BICC1: variants seen among roughly 807,000 people sequenced by gnomAD.
BICC1 encodes the protein BicC family RNA binding protein 1.
Under a neutral mutation model 111.0 loss-of-function variants are expected in BICC1, and 43 were observed. That is an observed-to-expected ratio of 0.39 (90% confidence interval 0.30 to 0.50). The LOEUF is 0.50. BICC1 is among the 20% of genes least tolerant of loss of function. BICC1 has a pLI of 0.88. For synonymous variants in BICC1, 467 were observed against 434.4 expected (o/e 1.07, Z -0.93); for missense variants, 1,091 against 1,203.2 (o/e 0.91, Z 1.38).
At chr10:58,566,674 G>T (rs989219189) in intron 1 of BICC1, among the ~76,000 whole-genome samples, 1 of 151,872 alleles carries the variant, frequency 6.6e-6, no homozygotes, top group Non-Finnish European at 1.5e-5. Flanking sequence ...ATTATTTTTT[G>T]ATTTTTTTGA....
intron 1 of BICC1, among the ~76,000 whole-genome samples, chr10:58,522,979 A>G (rs1278296457): frequency 6.6e-6 from 1 of 152,210 alleles, no homozygotes; most frequent in East Asian, 1.9e-4. Context: ...TCCTCGACAT[A>G]TACACCCTCC....
At chr10:58,665,915 T>G (rs1838994697) in intron 2 of BICC1, among the ~76,000 whole-genome samples, 1 of 152,216 alleles carries the variant, frequency 6.6e-6, no homozygotes, top group Admixed American at 6.5e-5. Context: ...TGAGATATTT[T>G]CTGTTTAAAC....
At chr10:58,774,901 A>G (rs1351844606) in intron 3 of BICC1, among the ~76,000 whole-genome samples, 1 of 152,138 alleles carries the variant, frequency 6.6e-6, no homozygotes, top group South Asian at 2.1e-4. Context: ...AGTATTTTTT[A>G]AAATTATTTT....
chr10:58,698,853 C>T (rs374309971), intron 2 of BICC1, among the ~76,000 whole-genome samples: 21 of 152,170 alleles, frequency 1.4e-4, no homozygotes, highest in Non-Finnish European at 2.6e-4. Context: ...TTAAGTAATT[C>T]GCTCAACACA....
intron 1 of BICC1, among the ~76,000 whole-genome samples, chr10:58,608,610 G>A (rs1372691731): frequency 1.3e-5 from 2 of 152,104 alleles, no homozygotes; most frequent in African/African-American, 4.8e-5. Context: ...TAGTCTTGTC[G>A]TTTTTATTAC....
At chr10:58,531,850 C>CA (rs1385754414) in intron 1 of BICC1, among the ~76,000 whole-genome samples, 1 of 151,448 alleles carries the variant, frequency 6.6e-6, no homozygotes, top group Non-Finnish European at 1.5e-5. Context: ...TCAGCAAACT[C>CA]AAAGACAGGT....
intron 1 of BICC1, among the ~76,000 whole-genome samples, chr10:58,563,336 AC>A (rs1314995739): frequency 6.6e-6 from 1 of 152,022 alleles, no homozygotes; most frequent in African/African-American, 2.4e-5. Context: ...AGCTCCCTGT[AC>A]CCTGACTAAA....
Position 58,829,775 on chromosome 10 carries a change from T to C in BICC1, c.*884T>C, listed in dbSNP as rs995577155. 4 of 152,202 alleles carry C rather than the reference T, an allele frequency of 2.6e-5. No individual in the cohort carries two copies. Among genetic ancestry groups the C allele is most frequent in the Non-Finnish European group, 5.9e-5 (4 of 68,036 alleles). The allele number at this position is 152,202 out of a possible 1,614,324, so 9.4% of individuals were successfully genotyped here. On this transcript the variant is annotated 3_prime_UTR_variant, in exon 21 of 21. Coordinates refer to ENST00000373886, the MANE Select transcript of BICC1 (RefSeq NM_001080512.3). ...CTGGAGGCAAAGGGCTGTTTTTTAG[T>C]ATATTGCCACTAAAGGACATTTATT...
rs1171014339 is a variant in BICC1, at chr10:58,706,436, A to G, written c.307+4293A>G. Among the ~76,000 whole-genome samples, 3 of 152,214 alleles carry G rather than the reference A, an allele frequency of 2.0e-5. No individual in the cohort carries two copies. In the East Asian group the frequency reaches 5.8e-4, roughly 29 times the overall value. ...GCTAGATAAGTTTGTTTTCTTAAAC[A>G]AGGTAAACATTTTTCTCACAGTCTT... On this transcript the variant is annotated intron_variant, in intron 3 of 20. Coordinates refer to ENST00000373886, the MANE Select transcript of BICC1 (RefSeq NM_001080512.3).
intron 1 of BICC1, 118 bp downstream of exon 1, chr10:58,513,451 G>A: frequency 2.0e-6 from 2 of 1,007,028 alleles, no homozygotes; most frequent in South Asian, 2.0e-5. Flanking sequence ...TTTAGCTCCA[G>A]GCCCGCTCCC....
chr10:58,574,512 T>TA (rs34816492), intron 1 of BICC1, among the ~76,000 whole-genome samples: 55,212 of 151,930 alleles, frequency 0.36, 11,267 homozygotes, highest in Admixed American at 0.56. Flanking sequence ...AATACAAGCT[T>TA]AATTTTATAC....
chr10:58,745,610 C>CCG (rs1291017535), intron 3 of BICC1, among the ~76,000 whole-genome samples: 1 of 132,116 alleles, frequency 7.6e-6, no homozygotes. Context: ...CCGCCCCCCC[C>CCG]CCACATTTTT....
At chr10:58,733,926 T>G (rs1554826461) in intron 3 of BICC1, among the ~76,000 whole-genome samples, 2 of 152,226 alleles carry the variant, frequency 1.3e-5, no homozygotes, top group Non-Finnish European at 2.9e-5. Context: ...GGCAAGTTAT[T>G]GTACCTCACT....
At position 58,722,049 on chromosome 10, in the gene BICC1, C is replaced by T. The variant is rs930889910; in HGVS notation, c.307+19906C>T. On this transcript the variant is annotated intron_variant, in intron 3 of 20. Transcript: ENST00000373886. ...TTGACAGTAATGAGCTTTAGAATTT[C>T]ATTCTTTTCCTATGATTCTTCATGA... Among the ~76,000 whole-genome samples, 14 of 152,318 alleles carry T rather than the reference C, an allele frequency of 9.2e-5. 2 individuals carry two copies.
chr10:58,688,120 G>A (rs1167900777), intron 2 of BICC1, among the ~76,000 whole-genome samples: 6 of 152,086 alleles, frequency 3.9e-5, no homozygotes, highest in African/African-American at 9.7e-5. Flanking sequence ...TAAAGTTAGC[G>A]TGGACCCAAA....
chr10:58,659,477 C>A (rs1838770413), intron 2 of BICC1, among the ~76,000 whole-genome samples: 1 of 152,122 alleles, frequency 6.6e-6, no homozygotes, highest in African/African-American at 2.4e-5. Flanking sequence ...TGAACTAACA[C>A]AGGAGCAGAA....
chr10:58,524,270 G>A (rs1564470753), intron 1 of BICC1, among the ~76,000 whole-genome samples: 2 of 152,138 alleles, frequency 1.3e-5, no homozygotes, highest in Non-Finnish European at 2.9e-5. Context: ...GAACAAAGCT[G>A]GAGGCACCAC....
At position 58,628,645 on chromosome 10, in the gene BICC1, T is replaced by G. The variant is rs143393169; in HGVS notation, c.237+7744T>G. On this transcript the variant is annotated intron_variant, in intron 2 of 20. Transcript: ENST00000373886. ...TCCCATTTTAAAAGTGGCAACAATATCTGGGTATAGTGTTTTGGATAGAGC... is the reference window on the plus strand; with the variant it reads ...TCCCATTTTAAAAGTGGCAACAATAGCTGGGTATAGTGTTTTGGATAGAGC... Among the ~76,000 whole-genome samples, 1,156 of 152,274 alleles carry G rather than the reference T, an allele frequency of 7.6e-3. 6 individuals carry two copies. The highest frequency in any genetic ancestry group is 0.02 in the Middle Eastern group (6 of 294).
rs762390525 is a variant in BICC1, at chr10:58,801,037, C to T, written c.2006C>T (p.Ser669Leu). 2.5e-6 allele frequency: 4 copies of T among 1,605,730 alleles called. No individual in the cohort carries two copies. The highest frequency in any genetic ancestry group is 3.4e-6 in the Non-Finnish European group (4 of 1,176,920). Residue 669 changes from serine to leucine, a missense_variant, in exon 14 of 21, where the codon TCA becomes TTA. Ser to Leu is a moderately radical substitution (Grantham distance 145). This residue lies in a region of BICC1 where 843 missense variants were observed against 900.8 expected (regional missense o/e 0.94). Coordinates refer to ENST00000373886, the MANE Select transcript of BICC1 (RefSeq NM_001080512.3). ...TVELLQGTKN[S>L]HLHSTDRLLS... ...GAACTATTGCAAGGCACGAAAAACT[C>T]ACACTTACAGTATGTATTTTAATCT...
Sources: allele counts gnomAD v4.1 joint callset (sites outside exome capture counted in the v4.1 genomes callset), GRCh38; gene constraint gnomAD v4.1.1; regional missense constraint gnomAD v4.1.1; transcripts MANE v1.5; gene names NCBI Gene and HGNC (gene_info 2026-07-23, HGNC 2026-07-21).